PHACTR3: variants seen among roughly 807,000 people sequenced by gnomAD.
The protein encoded by PHACTR3 is protein phosphatase 1, regulatory subunit 123.
Under a neutral mutation model 66.8 loss-of-function variants are expected in PHACTR3, and 16 were observed. That is an observed-to-expected ratio of 0.24 (90% CI 0.16 to 0.36). The LOEUF (loss-of-function observed/expected upper bound fraction) is 0.36, where lower values mean the gene tolerates loss of function less well. Ranked by LOEUF, PHACTR3 falls within the 10% of genes least tolerant of loss-of-function variation. The probability of loss-of-function intolerance (pLI) is 1.00; values close to 1 mark genes in which losing one functional copy is unlikely to be tolerated. For missense variants in PHACTR3, 647 were observed against 719.9 expected (o/e 0.90, Z 1.16); for synonymous variants, 323 against 292.1 (o/e 1.11, Z -1.08).
chr20:59,637,392 G>GTCC (rs758041068), intron 1 of PHACTR3, among the ~76,000 whole-genome samples: 2 of 152,200 alleles, frequency 1.3e-5, no homozygotes, highest in Non-Finnish European at 1.5e-5. Flanking sequence ...CTGTAAGTGT[G>GTCC]TCCTCTAGTG....
At chr20:59,725,023 T>G (rs912062183) in intron 1 of PHACTR3, among the ~76,000 whole-genome samples, 3 of 147,646 alleles carry the variant, frequency 2.0e-5, no homozygotes, top group Non-Finnish European at 4.5e-5. Flanking sequence ...GAGAGGAGGG[T>G]GGATGTGAGC....
intron 4 of PHACTR3, among the ~76,000 whole-genome samples, chr20:59,758,133 C>T (rs1301981431): frequency 7.9e-5 from 1 of 12,690 alleles, no homozygotes; most frequent in African/African-American, 1.6e-4. Context: ...GAGACTGGAG[C>T]CGTGCATGGT....
chr20:59,650,349 A>G (rs557902380), intron 1 of PHACTR3, among the ~76,000 whole-genome samples: 68 of 152,230 alleles, frequency 4.5e-4, no homozygotes, highest in African/African-American at 1.3e-3. Flanking sequence ...ATGAAGCTGT[A>G]TCCTGTCTTT....
chr20:59,682,264 C>T (rs538704555), intron 1 of PHACTR3, among the ~76,000 whole-genome samples: 1 of 152,156 alleles, frequency 6.6e-6, no homozygotes, highest in Admixed American at 6.5e-5. Flanking sequence ...CGCTCCAACC[C>T]AGGAGGCAGA....
intron 3 of PHACTR3, among the ~76,000 whole-genome samples, chr20:59,751,777 C>T (rs925299404): frequency 6.6e-6 from 1 of 152,054 alleles, no homozygotes; most frequent in African/African-American, 2.4e-5. Context: ...CAGTGGAGCC[C>T]GTTGTGCCCT....
chr20:59,724,249 T>C (rs1164753210), intron 1 of PHACTR3, among the ~76,000 whole-genome samples: 2 of 152,130 alleles, frequency 1.3e-5, no homozygotes, highest in Admixed American at 1.3e-4. Context: ...TTCATTTACT[T>C]AATGCATGAA....
intron 7 of PHACTR3, among the ~76,000 whole-genome samples, chr20:59,778,810 G>A (rs548314980): frequency 6.4e-4 from 98 of 152,310 alleles, no homozygotes; most frequent in African/African-American, 2.2e-3. Context: ...CTCCCATGGC[G>A]TGGCTCAGAC....
chr20:59,665,102 C>A (rs1187776776), intron 1 of PHACTR3, among the ~76,000 whole-genome samples: 1 of 152,210 alleles, frequency 6.6e-6, no homozygotes, highest in Non-Finnish European at 1.5e-5. Context: ...AAACTACAGG[C>A]ATAAGCAGTC....
chr20:59,620,231 T>TA (rs1208573911), intron 1 of PHACTR3, among the ~76,000 whole-genome samples: 1 of 152,216 alleles, frequency 6.6e-6, no homozygotes, highest in Non-Finnish European at 1.5e-5. Context: ...CACAAAATAG[T>TA]AAAAAAATAA....
Position 59,605,085 on chromosome 20 carries a change from T to C in PHACTR3, c.71T>C (p.Leu24Pro). 7.1e-7 allele frequency: 1 copy of C among 1,402,118 alleles called. No individual in the cohort carries two copies. The highest frequency in any genetic ancestry group is 9.3e-7 in the Non-Finnish European group (1 of 1,070,708). The allele number at this position is 1,402,118 out of a possible 1,614,324, so 86.9% of individuals were successfully genotyped here. ...CGCTCGCAGAGTGACCCCAGCGTCCTCACCGACTCCTCGGCCACCTCCTCC... is the reference window on the plus strand; with the variant it reads ...CGCTCGCAGAGTGACCCCAGCGTCCCCACCGACTCCTCGGCCACCTCCTCC... ...RGRSQSDPSV[L>P]TDSSATSSAD... Residue 24 changes from leucine (L) to proline (P), a missense_variant, in exon 1 of 13, where the codon CTC becomes CCC. Transcript: ENST00000371015.
intron 8 of PHACTR3, among the ~76,000 whole-genome samples, chr20:59,808,894 G>A (rs1311562228): frequency 6.6e-6 from 1 of 152,150 alleles, no homozygotes; most frequent in African/African-American, 2.4e-5. Context: ...TGTGTGTAGT[G>A]TGTTAGCAGC....
At chr20:59,654,018 T>A (rs905301652) in intron 1 of PHACTR3, among the ~76,000 whole-genome samples, 1 of 152,186 alleles carries the variant, frequency 6.6e-6, no homozygotes, top group African/African-American at 2.4e-5. Context: ...TATCAAAGGT[T>A]AATGAGATGA....
chr20:59,639,620 C>T (rs1033208375), intron 1 of PHACTR3, among the ~76,000 whole-genome samples: 6 of 152,122 alleles, frequency 3.9e-5, no homozygotes, highest in Non-Finnish European at 5.9e-5. Flanking sequence ...TATTGAGTCC[C>T]AGTTCTATAA....
At chr20:59,628,980 T>G (rs1232088783) in intron 1 of PHACTR3, among the ~76,000 whole-genome samples, 1 of 152,334 alleles carries the variant, frequency 6.6e-6, no homozygotes, top group Non-Finnish European at 1.5e-5. Context: ...ATTGGTACAG[T>G]GAGGTTAACT....
chr20:59,610,532 G>A (rs1277331466), intron 1 of PHACTR3, among the ~76,000 whole-genome samples: 1 of 152,220 alleles, frequency 6.6e-6, no homozygotes, highest in Non-Finnish European at 1.5e-5. Context: ...GTCCAATACA[G>A]TAGCCACTAA....
intron 1 of PHACTR3, among the ~76,000 whole-genome samples, chr20:59,580,368 A>G (rs1288287011): frequency 6.6e-6 from 1 of 152,106 alleles, no homozygotes; most frequent in Non-Finnish European, 1.5e-5. Flanking sequence ...TGCCACCTGA[A>G]GCTCAGCTTC....
intron 1 of PHACTR3, among the ~76,000 whole-genome samples, chr20:59,701,554 G>A (rs1350783521): frequency 6.6e-6 from 1 of 152,142 alleles, no homozygotes; most frequent in African/African-American, 2.4e-5. Context: ...CATTACACCA[G>A]CAACTCTTTT....
intron 1 of PHACTR3, among the ~76,000 whole-genome samples, chr20:59,618,289 A>G (rs893842129): frequency 5.9e-5 from 9 of 152,132 alleles, no homozygotes; most frequent in African/African-American, 1.2e-4. Context: ...CTTGTCTGCC[A>G]TGAGGGAACC....
intron 7 of PHACTR3, among the ~76,000 whole-genome samples, chr20:59,792,484 A>ATG (rs1226262798): frequency 6.6e-6 from 1 of 152,224 alleles, no homozygotes; most frequent in Non-Finnish European, 1.5e-5. Context: ...CCAATACTTG[A>ATG]TGTGGTCAGT....
Sources: gnomAD v4.1 joint callset for allele counts (sites outside exome capture counted in the v4.1 genomes callset) on GRCh38, gnomAD v4.1.1 for gene constraint, MANE v1.5 for transcripts, NCBI Gene and HGNC (gene_info 2026-07-23, HGNC 2026-07-21) for gene names.